The following NKAIN2 variants were observed in gnomAD, a reference collection of about 807,000 sequenced individuals.
NKAIN2 encodes the protein sodium/potassium-transporting ATPase subunit beta-1-interacting protein 2.
A neutral mutation model predicts 32.6 loss-of-function variants in NKAIN2; 14 were observed. The ratio of observed to expected loss-of-function variants is 0.43; its 90% CI spans 0.28 to 0.67. The LOEUF (loss-of-function observed/expected upper bound fraction) is 0.67. NKAIN2 is among the 30% of genes least tolerant of loss of function. The pLI is 0.17. For synonymous variants in NKAIN2, 80 were observed against 87.2 expected, an observed-to-expected ratio of 0.92 and a Z score of 0.46; for missense variants, 198 against 258.3, an observed-to-expected ratio of 0.77 and a Z score of 1.60.
intron 3 of NKAIN2, among the ~76,000 whole-genome samples, chr6:124,487,309 C>T (rs1414564981): frequency 6.6e-6 from 1 of 152,044 alleles, no homozygotes; most frequent in Non-Finnish European, 1.5e-5. Flanking sequence ...AGATGAGACT[C>T]CAATTATTAT....
At chr6:124,682,455 T>C (rs1186883822) in intron 4 of NKAIN2, among the ~76,000 whole-genome samples, 1 of 152,170 alleles carries the variant, frequency 6.6e-6, no homozygotes, top group African/African-American at 2.4e-5. Flanking sequence ...ATTAAAAATA[T>C]TTTATTAGCT....
intron 6 of NKAIN2, among the ~76,000 whole-genome samples, chr6:124,818,898 T>G (rs888787384): frequency 1.3e-5 from 2 of 152,166 alleles, no homozygotes; most frequent in African/African-American, 4.8e-5. Context: ...TGATAAATAA[T>G]AGGTTCACCC....
At chr6:124,785,082 G>C (rs1779439778) in intron 4 of NKAIN2, among the ~76,000 whole-genome samples, 1 of 151,982 alleles carries the variant, frequency 6.6e-6, no homozygotes, top group Non-Finnish European at 1.5e-5. Flanking sequence ...AAAAAAGTTA[G>C]GTCTTTTGTT....
chr6:123,819,697 G>C (rs1425649441), intron 1 of NKAIN2, among the ~76,000 whole-genome samples: 2 of 152,144 alleles, frequency 1.3e-5, no homozygotes, highest in African/African-American at 2.4e-5. Context: ...ATACCAGCAG[G>C]GTAATTATTT....
chr6:123,848,862 T>C (rs890884060), intron 1 of NKAIN2, among the ~76,000 whole-genome samples: 1 of 152,202 alleles, frequency 6.6e-6, no homozygotes, highest in African/African-American at 2.4e-5. Flanking sequence ...ACACAGCATG[T>C]CTGCCAGTTT....
chr6:124,151,133 C>T (rs1351616385), intron 1 of NKAIN2, among the ~76,000 whole-genome samples: 1 of 151,362 alleles, frequency 6.6e-6, no homozygotes, highest in African/African-American at 2.4e-5. Flanking sequence ...GATTGATTAC[C>T]CATGTATATT....
At chr6:124,225,347 A>G (rs950838333) in intron 1 of NKAIN2, among the ~76,000 whole-genome samples, 13 of 152,064 alleles carry the variant, frequency 8.5e-5, no homozygotes, top group Non-Finnish European at 1.8e-4. Flanking sequence ...GTCTTATAAA[A>G]GTTTCATACA....
chr6:123,870,559 G>A (rs778004165), intron 1 of NKAIN2, among the ~76,000 whole-genome samples: 3 of 152,078 alleles, frequency 2.0e-5, no homozygotes, highest in Non-Finnish European at 2.9e-5. Context: ...CCTAATGCCC[G>A]CCTCAAAGGA....
intron 4 of NKAIN2, among the ~76,000 whole-genome samples, chr6:124,705,871 G>A (rs543341696): frequency 6.6e-6 from 1 of 152,168 alleles, no homozygotes; most frequent in Non-Finnish European, 1.5e-5. Flanking sequence ...AGTCAAAGAA[G>A]TAGCATGAAG....
intron 2 of NKAIN2, among the ~76,000 whole-genome samples, chr6:124,352,122 G>A (rs1798761703): frequency 6.6e-6 from 1 of 152,126 alleles, no homozygotes. Context: ...CATATCACTT[G>A]AAGATAGTCA....
intron 5 of NKAIN2, among the ~76,000 whole-genome samples, chr6:124,799,481 A>C (rs940768945): frequency 2.0e-5 from 3 of 152,190 alleles, no homozygotes; most frequent in African/African-American, 7.2e-5. Flanking sequence ...ACACACACAC[A>C]TACTATGTTC....
At chr6:124,042,380 C>T (rs1399933608) in intron 1 of NKAIN2, among the ~76,000 whole-genome samples, 4 of 152,060 alleles carry the variant, frequency 2.6e-5, no homozygotes, top group African/African-American at 7.2e-5. Context: ...AGCTCTAGAG[C>T]ACATGGCAAC....
intron 6 of NKAIN2, among the ~76,000 whole-genome samples, chr6:124,820,513 T>C (rs1781351137): frequency 6.6e-6 from 1 of 152,208 alleles, no homozygotes; most frequent in African/African-American, 2.4e-5. Context: ...GGTAGAATAA[T>C]GCTTGTGTTA....
chr6:123,937,218 C>T (rs1352972339), intron 1 of NKAIN2, among the ~76,000 whole-genome samples: 1 of 152,070 alleles, frequency 6.6e-6, no homozygotes, highest in Non-Finnish European at 1.5e-5. Context: ...CAGGAATCAC[C>T]TCTTCTACTC....
At chr6:123,829,503 A>G (rs950302188) in intron 1 of NKAIN2, among the ~76,000 whole-genome samples, 2 of 152,190 alleles carry the variant, frequency 1.3e-5, no homozygotes, top group Admixed American at 6.5e-5. Context: ...AGCTTCCTAC[A>G]TGATGAGTCA....
At chr6:124,761,664 C>A (rs1414922983) in intron 4 of NKAIN2, among the ~76,000 whole-genome samples, 2 of 152,180 alleles carry the variant, frequency 1.3e-5, no homozygotes, top group African/African-American at 4.8e-5. Context: ...ACTACGTTTT[C>A]TTTGACATCC....
intron 4 of NKAIN2, among the ~76,000 whole-genome samples, chr6:124,723,050 C>T (rs553731275): frequency 1.3e-3 from 192 of 152,122 alleles, no homozygotes; most frequent in Non-Finnish European, 2.5e-3. Flanking sequence ...ATGTTGTTTT[C>T]AATGACTTTT....
At chr6:123,846,836 G>GTA (rs1775111064) in intron 1 of NKAIN2, among the ~76,000 whole-genome samples, 1 of 70,956 alleles carries the variant, frequency 1.4e-5, no homozygotes, top group Non-Finnish European at 4.6e-5. Flanking sequence ...CCACACACAC[G>GTA]CACGCGCGCA....
chr6:124,247,721 C>T (rs1793486177), intron 1 of NKAIN2, among the ~76,000 whole-genome samples: 1 of 152,070 alleles, frequency 6.6e-6, no homozygotes, highest in Non-Finnish European at 1.5e-5. Context: ...ATAAAATTTA[C>T]ATGTGGCTGA....
Sources: gnomAD v4.1 joint callset for allele counts (sites outside exome capture counted in the v4.1 genomes callset) on GRCh38, gnomAD v4.1.1 for gene constraint, MANE v1.5 for transcripts, NCBI Gene and HGNC (gene_info 2026-07-23, HGNC 2026-07-21) for gene names.